RAPGEF2: variants seen among roughly 807,000 people sequenced by gnomAD.
The protein encoded by RAPGEF2 is Rap guanine nucleotide exchange factor 2.
A neutral mutation model predicts 186.7 loss-of-function variants in RAPGEF2; 54 were observed. The ratio of observed to expected loss-of-function variants is 0.29; its 90% CI spans 0.23 to 0.36. The LOEUF (loss-of-function observed/expected upper bound fraction) is 0.36. RAPGEF2 is among the 10% of genes least tolerant of loss of function. The pLI is 1.00. For synonymous variants in RAPGEF2, 712 were observed against 705.9 expected (o/e 1.01, Z -0.14); for missense variants, 1,532 against 2,045.0 (o/e 0.75, Z 4.84).
chr4:159,107,496 T>C (rs1738005456), intron 1 of RAPGEF2, among the ~76,000 whole-genome samples: 1 of 152,204 alleles, frequency 6.6e-6, no homozygotes. Flanking sequence ...ATTGCAAAAC[T>C]GTTTCTTCTC....
At chr4:159,139,955 A>G (rs952915236) in intron 1 of RAPGEF2, among the ~76,000 whole-genome samples, 2 of 152,214 alleles carry the variant, frequency 1.3e-5, no homozygotes, top group African/African-American at 4.8e-5. Context: ...TGAAAGGGAA[A>G]TGGAGGCTCA....
At chr4:159,167,114 G>C (rs1434792781) in intron 1 of RAPGEF2, among the ~76,000 whole-genome samples, 2 of 151,674 alleles carry the variant, frequency 1.3e-5, no homozygotes, top group African/African-American at 4.8e-5. Flanking sequence ...GACTTTACAG[G>C]ATTAAAAAAA....
chr4:159,232,762 T>TC (rs1752782706), intron 4 of RAPGEF2, among the ~76,000 whole-genome samples: 1 of 152,232 alleles, frequency 6.6e-6, no homozygotes, highest in African/African-American at 2.4e-5. Context: ...TGCACAGGGT[T>TC]CCAAGTCCTC....
At chr4:159,219,597 T>A (rs1053623481) in intron 4 of RAPGEF2, among the ~76,000 whole-genome samples, 5 of 152,220 alleles carry the variant, frequency 3.3e-5, no homozygotes, top group African/African-American at 1.2e-4. Context: ...CCTCATGATC[T>A]GCCTGCCTCA....
In RAPGEF2 at chr4:159,194,959, CT is replaced by C. The variant is rs556231565; in HGVS notation, c.197+1705del. 3.3e-5 allele frequency among the ~76,000 whole-genome samples: 5 copies of C among 152,140 alleles called. No individual in the cohort carries two copies. In the South Asian group the frequency reaches 1.0e-3, roughly 32 times the overall value. ...TTACAGCCATCTGAGGTGGTAAGTG[CT>C]TGAACTGAGGCAAAGACTGAGGGAA... On this transcript the variant is annotated intron_variant, in intron 3 of 29. Transcript: ENST00000691494.
At chr4:159,153,135 G>A (rs1463118960) in intron 1 of RAPGEF2, among the ~76,000 whole-genome samples, 4 of 152,076 alleles carry the variant, frequency 2.6e-5, no homozygotes. Context: ...TACACTAGTA[G>A]CCTTCACTAG....
intron 3 of RAPGEF2, among the ~76,000 whole-genome samples, chr4:159,201,883 A>G (rs971980713): frequency 6.6e-6 from 1 of 151,738 alleles, no homozygotes. Context: ...ATTTTATTTC[A>G]CTTTCTTGTT....
intron 7 of RAPGEF2, among the ~76,000 whole-genome samples, chr4:159,290,843 G>A (rs1761109957): frequency 6.6e-6 from 1 of 152,138 alleles, no homozygotes; most frequent in African/African-American, 2.4e-5. Context: ...TAGACAGTGA[G>A]TAATGCACCA....
At chr4:159,266,344 A>G (rs11930874) in intron 7 of RAPGEF2, among the ~76,000 whole-genome samples, 40,995 of 152,020 alleles carry the variant, frequency 0.27, 6,717 homozygotes, top group African/African-American at 0.45. Flanking sequence ...TCCAAAGTCA[A>G]TTATTAAAAA....
intron 26 of RAPGEF2, among the ~76,000 whole-genome samples, chr4:159,350,882 G>C (rs745332218): frequency 6.6e-6 from 1 of 152,192 alleles, no homozygotes; most frequent in Admixed American, 6.5e-5. Context: ...TGGCTAGGAC[G>C]TAGTTTTCCC....
intron 7 of RAPGEF2, 95 bp from the exon 8 acceptor site, chr4:159,304,247 T>G: frequency 8.7e-7 from 1 of 1,152,688 alleles, no homozygotes; most frequent in Non-Finnish European, 1.2e-6. Flanking sequence ...TTTAGTTCAA[T>G]GGTATAGAAT....
At chr4:159,181,596 T>TTTTTGGG (rs1747015442) in intron 1 of RAPGEF2, among the ~76,000 whole-genome samples, 1 of 107,794 alleles carries the variant, frequency 9.3e-6, no homozygotes, top group Non-Finnish European at 1.9e-5. Context: ...TTTTTTTTTT[T>TTTTTGGG]GAGATGGGGT....
At chr4:159,334,130 A>T (rs1454452532) in intron 17 of RAPGEF2, among the ~76,000 whole-genome samples, 1 of 152,256 alleles carries the variant, frequency 6.6e-6, no homozygotes, top group Non-Finnish European at 1.5e-5. Flanking sequence ...TCTAAGAGAC[A>T]ATGGATTAGG....
chr4:159,199,027 G>A (rs1474139468), intron 3 of RAPGEF2, among the ~76,000 whole-genome samples: 1 of 129,084 alleles, frequency 7.7e-6, no homozygotes, highest in Admixed American at 9.1e-5. Flanking sequence ...AGTGAGCTGA[G>A]ATCACACCTG....
At chr4:159,106,205 A>G (rs1737861212) in intron 1 of RAPGEF2, among the ~76,000 whole-genome samples, 1 of 152,242 alleles carries the variant, frequency 6.6e-6, no homozygotes, top group African/African-American at 2.4e-5. Context: ...AAACCTTCAT[A>G]GAAAAAGTAA....
intron 7 of RAPGEF2, among the ~76,000 whole-genome samples, chr4:159,247,936 A>G (rs1033016586): frequency 6.6e-6 from 1 of 151,370 alleles, no homozygotes; most frequent in African/African-American, 2.4e-5. Flanking sequence ...CTAATTTTGT[A>G]TTTTTAGTAG....
intron 11 of RAPGEF2, 52 bp downstream of exon 11, chr4:159,323,669 T>A: frequency 9.0e-7 from 1 of 1,106,358 alleles, no homozygotes; most frequent in Non-Finnish European, 1.2e-6. Context: ...AAAGAACACT[T>A]ATATGCCATT....
rs558692861 is a variant in RAPGEF2 at position 159,241,479 on chromosome 4, TAC to T, written c.525+119_525+120del. The stretch of plus-strand genomic sequence containing the variant: ...ACAAATCTTTTCAATTATATATATA[TAC>T]ACACACATTAAGTATACTTAAATAT... On this transcript the variant is annotated intron_variant, in intron 6 of 29. Transcript: ENST00000691494. 4.3e-3 allele frequency: 1,748 copies of T among 403,522 alleles called. 8 individuals carry two copies. The highest frequency in any genetic ancestry group is 0.013 in the Middle Eastern group (18 of 1,414). The allele number at this position is 403,522 out of a possible 1,614,324, so 25.0% of individuals were successfully genotyped here.
At chr4:159,260,441 A>G (rs752010689) in intron 7 of RAPGEF2, among the ~76,000 whole-genome samples, 44 of 151,994 alleles carry the variant, frequency 2.9e-4, no homozygotes, top group African/African-American at 1.0e-3. Context: ...CTATGATTCT[A>G]TATTATATCA....
Sources: gnomAD v4.1 joint callset for allele counts (sites outside exome capture counted in the v4.1 genomes callset) on GRCh38, gnomAD v4.1.1 for gene constraint, MANE v1.5 for transcripts, NCBI Gene and HGNC (gene_info 2026-07-23, HGNC 2026-07-21) for gene names.